The following VANGL1 variants were observed in gnomAD, a reference collection of about 807,000 sequenced individuals.
VANGL1 encodes the protein vang-like protein 1.
A neutral mutation model predicts 48.4 loss-of-function variants in VANGL1; 18 were observed. The ratio of observed to expected loss-of-function variants is 0.37; its 90% CI spans 0.26 to 0.55. The LOEUF is 0.55. VANGL1 is among the 20% of genes least tolerant of loss of function. The pLI, the probability that VANGL1 is intolerant of heterozygous loss-of-function variation, is 0.81. For missense variants in VANGL1, 667 were observed against 675.8 expected, an observed-to-expected ratio of 0.99 and a Z score of 0.14; for synonymous variants, 257 against 261.8, an observed-to-expected ratio of 0.98 and a Z score of 0.18.
At chr1:115,685,604 T>C in intron 7 of VANGL1, 77 bp downstream of exon 7, 1 of 1,423,658 alleles carries the variant, frequency 7.0e-7, no homozygotes, top group South Asian at 1.2e-5. Flanking sequence ...TATAGCGTGT[T>C]ACTAGAAGTG....
chr1:115,648,100 G>A (rs745459606), intron 1 of VANGL1, among the ~76,000 whole-genome samples: 71 of 152,142 alleles, frequency 4.7e-4, no homozygotes, highest in South Asian at 8.3e-4. Flanking sequence ...TAACATAAGC[G>A]GCATCAAATT....
intron 1 of VANGL1, among the ~76,000 whole-genome samples, chr1:115,649,314 T>G (rs893479575): frequency 2.0e-5 from 3 of 152,162 alleles, no homozygotes; most frequent in Admixed American, 6.5e-5. Context: ...CCCACCATAA[T>G]AGGCTGCCTT....
rs774495925 is a variant in VANGL1 at position 115,664,250 on chromosome 1, A to G, written c.794A>G (p.Tyr265Cys). 34 of 1,613,810 alleles carry G rather than the reference A, an allele frequency of 2.1e-5. No individual in the cohort carries two copies. Among genetic ancestry groups the G allele is most frequent in the Non-Finnish European group, 2.8e-5 (33 of 1,179,988 alleles). ...TCCACCGATGGCGAGTCCCGCTTCT[A>G]CAGCCTGGGACACCTGAGGTAAGAG... ...VRSTDGESRF[Y>C]SLGHLSIQRA... The change falls in exon 4 of 8, where the codon TAC becomes TGC. Residue 265 changes from tyrosine (Y) to cysteine (C), a missense_variant. Transcript: ENST00000355485.
chr1:115,688,689 T>G (rs919875179), intron 7 of VANGL1, among the ~76,000 whole-genome samples: 2 of 138,534 alleles, frequency 1.4e-5, no homozygotes, highest in Non-Finnish European at 3.2e-5. Flanking sequence ...TGAGATTTTT[T>G]ATTTCCCACA....
chr1:115,673,918 G>A (rs1253064354), intron 4 of VANGL1, among the ~76,000 whole-genome samples: 1 of 151,964 alleles, frequency 6.6e-6, no homozygotes, highest in Non-Finnish European at 1.5e-5. Flanking sequence ...TTCTTATACG[G>A]ATACCAGAAT....
chr1:115,657,732 C>T (rs1652401857), intron 2 of VANGL1, among the ~76,000 whole-genome samples: 1 of 152,136 alleles, frequency 6.6e-6, no homozygotes, highest in African/African-American at 2.4e-5. Context: ...TAAAGAAATA[C>T]CTGACACCTT....
intron 7 of VANGL1, among the ~76,000 whole-genome samples, chr1:115,686,390 ATGCC>A (rs1469624586): frequency 5.3e-5 from 8 of 150,058 alleles, no homozygotes; most frequent in Non-Finnish European, 1.0e-4. Context: ...AAAAAAAAAA[ATGCC>A]ATCAGGCATT....
At chr1:115,666,191 T>C (rs994740963) in intron 4 of VANGL1, among the ~76,000 whole-genome samples, 1 of 152,152 alleles carries the variant, frequency 6.6e-6, no homozygotes, top group South Asian at 2.1e-4. Flanking sequence ...GGTGGTTTTG[T>C]TTTTTGGCCC....
At chr1:115,685,023 G>A (rs1211727530) in intron 6 of VANGL1, among the ~76,000 whole-genome samples, 4 of 152,190 alleles carry the variant, frequency 2.6e-5, no homozygotes, top group Admixed American at 2.6e-4. Context: ...CTCATTGGTG[G>A]CAGAATTCAG....
At chr1:115,649,259 T>C (rs1000077655) in intron 1 of VANGL1, among the ~76,000 whole-genome samples, 1 of 152,202 alleles carries the variant, frequency 6.6e-6, no homozygotes, top group Non-Finnish European at 1.5e-5. Context: ...AAAGGCCTGC[T>C]GTGTTTTCAC....
rs1412400425 is a variant in VANGL1 at position 115,682,303 on chromosome 1, C to T, written c.813-61C>T. On this transcript the variant is annotated intron_variant, in intron 4 of 7. Coordinates refer to ENST00000355485, the MANE Select transcript of VANGL1 (RefSeq NM_138959.3). ...TACCTGACTCCAAAAGAGGATTTTT[C>T]GTTTAGGACCTGCTTCTTCAGTGAA... The T allele has an allele frequency of 3.7e-6, 6 of 1,603,348 alleles. No homozygotes were observed. In the African/African-American group the frequency reaches 4.0e-5, roughly 11 times the overall value.
chr1:115,644,464 G>A (rs375434213), intron 1 of VANGL1, among the ~76,000 whole-genome samples: 8 of 152,304 alleles, frequency 5.3e-5, no homozygotes, highest in Admixed American at 1.3e-4. Flanking sequence ...TTTTCCTTAA[G>A]ATGGAAAAGA....
chr1:115,676,746 C>T (rs1653182178), intron 4 of VANGL1, among the ~76,000 whole-genome samples: 1 of 152,218 alleles, frequency 6.6e-6, no homozygotes, highest in Non-Finnish European at 1.5e-5. Flanking sequence ...TAGGGCGATG[C>T]CGACCTCAGC....
rs375505955 is a variant in VANGL1, at chr1:115,659,672, C to T, written c.103C>T (p.Arg35Trp). The T allele has an allele frequency of 2.4e-5, 38 of 1,613,928 alleles. No individual in the cohort carries two copies. Among genetic ancestry groups the T allele is most frequent in the African/African-American group, 2.0e-4 (15 of 74,874 alleles). Residue 35 changes from arginine to tryptophan, a missense_variant, in exon 3 of 8, where the codon CGG becomes TGG. Transcript: ENST00000355485. Reference sequence around the variant, plus strand: ...AACTAGAGAGAGACACAAGTCACCCCGGAATAAAGACGGCAGAGGGTCAGA... The same window carrying T: ...AACTAGAGAGAGACACAAGTCACCCTGGAATAAAGACGGCAGAGGGTCAGA... The part of the protein sequence containing the change: ...ERTRERHKSP[R>W]NKDGRGSEKS...
At chr1:115,680,461 C>A (rs1653344162) in intron 4 of VANGL1, among the ~76,000 whole-genome samples, 1 of 152,172 alleles carries the variant, frequency 6.6e-6, no homozygotes, top group South Asian at 2.1e-4. Context: ...ACTGAATGGT[C>A]AGAATTTTCA....
intron 4 of VANGL1, among the ~76,000 whole-genome samples, chr1:115,681,505 T>C (rs1341029818): frequency 1.3e-5 from 1 of 77,728 alleles, no homozygotes; most frequent in African/African-American, 3.9e-5. Flanking sequence ...TTTTTGTTGT[T>C]TTTTTTGTTT....
At chr1:115,664,330 C>G (rs12739928) in intron 4 of VANGL1, 62 bp downstream of exon 4, 224,032 of 1,581,324 alleles carry the variant, frequency 0.14, 16,451 homozygotes, top group South Asian at 0.17. Context: ...GACAGCTGCT[C>G]TGTAGCACGT....
intron 2 of VANGL1, among the ~76,000 whole-genome samples, chr1:115,658,644 A>C (rs117827778): frequency 6.6e-6 from 1 of 152,122 alleles, no homozygotes; most frequent in African/African-American, 2.4e-5. Flanking sequence ...AGGAGGGCTG[A>C]TGTCAAGGTG....
chr1:115,684,654 A>G (rs1653524487), intron 6 of VANGL1, among the ~76,000 whole-genome samples: 2 of 152,208 alleles, frequency 1.3e-5, no homozygotes, highest in African/African-American at 4.8e-5. Context: ...GTTGGGCCCA[A>G]GAAATGGCAT....
Sources: gnomAD v4.1 joint callset for allele counts (sites outside exome capture counted in the v4.1 genomes callset) on GRCh38, gnomAD v4.1.1 for gene constraint, MANE v1.5 for transcripts, NCBI Gene and HGNC (gene_info 2026-07-23, HGNC 2026-07-21) for gene names.